TOX3: variants seen among roughly 807,000 people sequenced by gnomAD.
TOX3 encodes the protein TOX high mobility group box family member 3.
In TOX3, 22 loss-of-function variants were observed where a neutral mutation model predicts 64.3. The ratio of observed to expected loss-of-function variants is 0.34; its 90% CI spans 0.24 to 0.49. The LOEUF (loss-of-function observed/expected upper bound fraction) is 0.49, where lower values mean the gene tolerates loss of function less well. TOX3 is among the 20% of genes least tolerant of loss of function. The pLI, the probability that TOX3 is intolerant of heterozygous loss-of-function variation, is 0.99. For synonymous variants in TOX3, 291 were observed against 273.6 expected, an observed-to-expected ratio of 1.06 and a Z score of -0.63; for missense variants, 661 against 714.4, an observed-to-expected ratio of 0.93 and a Z score of 0.85.
intron 1 of TOX3, among the ~76,000 whole-genome samples, chr16:52,538,072 A>C (rs1163077078): frequency 6.6e-6 from 1 of 152,148 alleles, no homozygotes; most frequent in Non-Finnish European, 1.5e-5. Context: ...ATTTTTACTA[A>C]AACAATCATT....
intron 1 of TOX3, among the ~76,000 whole-genome samples, chr16:52,494,564 G>A (rs965594264): frequency 2.0e-5 from 3 of 152,068 alleles, no homozygotes; most frequent in African/African-American, 7.2e-5. Context: ...TATCCTTTAA[G>A]GCTATCTCAG....
At position 52,446,009 on chromosome 16, in the gene TOX3, T is replaced by A; in HGVS notation, c.891A>T (p.Gly297=). ...KIVASMWDSL[G]EEQKQVYKRK... ...TTTGTCTCACCTGCTTTTGTTCTTC[T>A]CCAAGGCTGTCCCACATAGATGCTA... Residue 297 remains glycine, a synonymous_variant, in exon 5 of 7, where the codon GGA becomes GGT. Coordinates refer to ENST00000219746, the MANE Select transcript of TOX3 (RefSeq NM_001080430.4). The A allele has an allele frequency of 1.2e-6, 2 of 1,613,770 alleles. No homozygotes were observed. Among genetic ancestry groups the A allele is most frequent in the Non-Finnish European group, 8.5e-7 (1 of 1,179,696 alleles).
At chr16:52,489,210 T>C (rs753358441) in intron 1 of TOX3, among the ~76,000 whole-genome samples, 3 of 152,150 alleles carry the variant, frequency 2.0e-5, no homozygotes, top group African/African-American at 4.8e-5. Context: ...TGTTTCTTCC[T>C]AGCAAAATGT....
At chr16:52,442,625 T>C (rs1169653978) in intron 6 of TOX3, among the ~76,000 whole-genome samples, 1 of 152,216 alleles carries the variant, frequency 6.6e-6, no homozygotes, top group African/African-American at 2.4e-5. Context: ...ATAATCACTG[T>C]ACAATTCAAT....
chr16:52,487,992 T>C (rs1014656543), intron 1 of TOX3, among the ~76,000 whole-genome samples: 1 of 152,180 alleles, frequency 6.6e-6, no homozygotes, highest in Non-Finnish European at 1.5e-5. Context: ...TCCCCTTTCA[T>C]CTGAGGTCCT....
At chr16:52,533,817 C>T (rs1312230969) in intron 1 of TOX3, among the ~76,000 whole-genome samples, 1 of 152,088 alleles carries the variant, frequency 6.6e-6, no homozygotes, top group Non-Finnish European at 1.5e-5. Flanking sequence ...CATCTGGGCA[C>T]ATTTGAAGGT....
At chr16:52,455,643 G>A (rs1449809840) in intron 3 of TOX3, among the ~76,000 whole-genome samples, 1 of 152,130 alleles carries the variant, frequency 6.6e-6, no homozygotes, top group East Asian at 1.9e-4. Context: ...ATTTGATTGG[G>A]TCAATAGGAA....
chr16:52,456,570 T>C (rs1960523204), intron 3 of TOX3, among the ~76,000 whole-genome samples: 2 of 152,218 alleles, frequency 1.3e-5, no homozygotes, highest in African/African-American at 2.4e-5. Flanking sequence ...AAGAGCCTCT[T>C]TGTCTTTTTT....
rs1413762070 is a variant in TOX3 at position 52,439,503 on chromosome 16, G to A, written c.1453C>T (p.His485Tyr). Residue 485 changes from histidine (H) to tyrosine (Y), a missense_variant, in exon 7 of 7, where the codon CAC becomes TAC. His to Tyr is a moderately conservative substitution (Grantham distance 83). Around this residue, in one of 3 missense-constraint regions of TOX3, gnomAD observed 299 missense variants for 292.1 expected, o/e 1.02. Coordinates refer to ENST00000219746, the MANE Select transcript of TOX3 (RefSeq NM_001080430.4). ...QQMQQQHFQHHMQQHLQQQQQ... is the reference protein window; with the variant it reads ...QQMQQQHFQHYMQQHLQQQQQ... ...TGCTGCTGCAGGTGCTGCTGCATGT[G>A]GTGCTGGAAATGCTGCTGCTGCATC... The A allele has an allele frequency of 1.4e-6, 2 of 1,410,522 alleles. No individual in the cohort carries two copies. The highest frequency in any genetic ancestry group is 2.0e-5 in the Admixed American group (1 of 50,934). 87.4% of individuals were successfully genotyped at this position (1,410,522 alleles called of 1,614,324 possible).
In TOX3 at chr16:52,544,175, T is replaced by C. The variant is rs544569918; in HGVS notation, c.87+2462A>G. 4.6e-5 allele frequency among the ~76,000 whole-genome samples: 7 copies of C among 152,348 alleles called. No individual in the cohort carries two copies. In the East Asian group the frequency reaches 1.2e-3, roughly 25 times the overall value. ...TGTGAGTATTTTCAAATAAAATAAA[T>C]GCATGTCTTTATATGCTAGTTTTTA... On this transcript the variant is annotated intron_variant, in intron 1 of 6. Transcript: ENST00000219746.
chr16:52,469,402 G>T (rs1387269687), intron 1 of TOX3, among the ~76,000 whole-genome samples: 2 of 152,176 alleles, frequency 1.3e-5, no homozygotes, highest in Admixed American at 6.5e-5. Flanking sequence ...GGCACATTTT[G>T]TTGCTTTAAA....
intron 3 of TOX3, among the ~76,000 whole-genome samples, chr16:52,454,962 T>C (rs1205676304): frequency 6.6e-6 from 1 of 152,146 alleles, no homozygotes; most frequent in East Asian, 1.9e-4. Context: ...CCCAGAGAAA[T>C]TTAATGTGAT....
intron 1 of TOX3, among the ~76,000 whole-genome samples, chr16:52,515,011 CAAAAAA>C (rs56746564): frequency 1.5e-3 from 23 of 15,830 alleles, no homozygotes; most frequent in Non-Finnish European, 2.0e-3. Context: ...GACTCCATCT[CAAAAAA>C]AAAAAAAAAA....
intron 3 of TOX3, among the ~76,000 whole-genome samples, chr16:52,458,819 T>C (rs1054828013): frequency 1.3e-5 from 2 of 152,290 alleles, no homozygotes; most frequent in East Asian, 3.9e-4. Context: ...AGGCAGCTTG[T>C]AAAAGTGTCT....
At chr16:52,510,774 A>G (rs531919160) in intron 1 of TOX3, among the ~76,000 whole-genome samples, 1 of 148,288 alleles carries the variant, frequency 6.7e-6, no homozygotes, top group South Asian at 2.1e-4. Flanking sequence ...AAAAAAAAAA[A>G]AAAAAAGAAG....
At chr16:52,486,806 C>T (rs898550910) in intron 1 of TOX3, among the ~76,000 whole-genome samples, 4 of 151,946 alleles carry the variant, frequency 2.6e-5, no homozygotes, top group Admixed American at 6.6e-5. Flanking sequence ...TGTGGTAGTG[C>T]GCGCCTGTAG....
At chr16:52,512,218 G>A (rs1962331422) in intron 1 of TOX3, among the ~76,000 whole-genome samples, 1 of 152,082 alleles carries the variant, frequency 6.6e-6, no homozygotes, top group South Asian at 2.1e-4. Context: ...TGGCTCAAAT[G>A]GATTTTGTTT....
At chr16:52,533,425 C>T (rs1462466917) in intron 1 of TOX3, among the ~76,000 whole-genome samples, 1 of 152,056 alleles carries the variant, frequency 6.6e-6, no homozygotes, top group East Asian at 1.9e-4. Flanking sequence ...CCTTTCAATC[C>T]CCCAGATAAA....
At chr16:52,453,474 G>A (rs955200497) in intron 3 of TOX3, among the ~76,000 whole-genome samples, 6 of 152,114 alleles carry the variant, frequency 3.9e-5, no homozygotes, top group African/African-American at 1.4e-4. Context: ...ATGAGGCACC[G>A]TGCCCGGCCC....
Sources: allele counts gnomAD v4.1 joint callset (sites outside exome capture counted in the v4.1 genomes callset), GRCh38; gene constraint gnomAD v4.1.1; regional missense constraint gnomAD v4.1.1; transcripts MANE v1.5; gene names NCBI Gene and HGNC (gene_info 2026-07-23, HGNC 2026-07-21).